Variants in FKBP11 observed in about 807,000 individuals in gnomAD.
FKBP11 encodes peptidyl-prolyl cis-trans isomerase FKBP11.
FKBP11 carries 21 observed loss-of-function variants against 24.7 expected under a neutral mutation model. That is an observed-to-expected ratio of 0.85 (90% confidence interval 0.60 to 1.23). The LOEUF (loss-of-function observed/expected upper bound fraction) is 1.23, where lower values mean the gene tolerates loss of function less well. Ranked by LOEUF, FKBP11 falls within the 50% of genes most tolerant of loss-of-function variation. The pLI, the probability that FKBP11 is intolerant of heterozygous loss-of-function variation, is 0.00. For synonymous variants in FKBP11, 106 were observed against 100.6 expected, an observed-to-expected ratio of 1.05 and a Z score of -0.32; for missense variants, 245 against 248.7, an observed-to-expected ratio of 0.99 and a Z score of 0.10.
At chr12:48,928,570 C>G (rs1940010006), upstream of FKBP11, among the ~76,000 whole-genome samples, 1 of 152,094 alleles carries the variant, frequency 6.6e-6, no homozygotes, top group Non-Finnish European at 1.5e-5. Context: ...GCCTCCACCT[C>G]CCAGGTTCAG....
intron 5 of FKBP11, 85 bp from the exon 6 acceptor site, chr12:48,922,286 C>T (rs1939854879): frequency 3.1e-6 from 4 of 1,282,462 alleles, no homozygotes; most frequent in South Asian, 1.4e-5. Flanking sequence ...GGAGCGTAGG[C>T]CACAGCAAAG....
At chr12:48,930,856 C>T (rs1435019278), upstream of FKBP11, among the ~76,000 whole-genome samples, 2 of 152,154 alleles carry the variant, frequency 1.3e-5, no homozygotes, top group Non-Finnish European at 2.9e-5. Context: ...AGGCCGGGTG[C>T]AGTGGCTCAC....
rs763112939 is a variant in FKBP11, at chr12:48,924,192, T to A, written c.317+31A>T. On this transcript the variant is annotated intron_variant, in intron 4 of 5. Coordinates refer to ENST00000550765, the MANE Select transcript of FKBP11 (RefSeq NM_016594.3). ...AAAGCCTCTACCCATGCAAAGGGGGTACCCAGGCCCACCCCTGCCGAGATA... is the reference window on the plus strand; with the variant it reads ...AAAGCCTCTACCCATGCAAAGGGGGAACCCAGGCCCACCCCTGCCGAGATA... 1.9e-6 allele frequency: 3 copies of A among 1,613,476 alleles called. No homozygotes were observed. In the East Asian group the frequency reaches 6.7e-5, roughly 36 times the overall value.
the FKBP11 span, chr12:48,936,917 A>C: frequency 6.6e-6 from 1 of 152,236 alleles, no homozygotes; most frequent in South Asian, 2.1e-4. Flanking sequence ...AACAGAGCAA[A>C]TAAAAAGTAT....
chr12:48,923,773 T>G lies in FKBP11; in HGVS notation c.388+9A>C. The G allele has an allele frequency of 6.2e-7, 1 of 1,613,056 alleles. No homozygotes were observed. Among genetic ancestry groups the G allele is most frequent in the Non-Finnish European group, 8.5e-7 (1 of 1,179,036 alleles). ...TTGATGGCCTGAGAGAGAGTCCTAG[T>G]CAGATTACCTGGGACAGATGGTGGA... On this transcript the variant is annotated intron_variant, in intron 5 of 5. Coordinates refer to ENST00000550765, the MANE Select transcript of FKBP11 (RefSeq NM_016594.3).
the FKBP11 span, among the ~76,000 whole-genome samples, chr12:48,935,489 G>A: frequency 3.3e-5 from 5 of 152,152 alleles, no homozygotes; most frequent in African/African-American, 1.2e-4. Context: ...CACCCTAAAG[G>A]TAGCACCATC....
upstream of FKBP11, among the ~76,000 whole-genome samples, chr12:48,930,290 T>C (rs1940031427): frequency 6.6e-6 from 1 of 152,110 alleles, no homozygotes; most frequent in African/African-American, 2.4e-5. Context: ...TTTTAACCCC[T>C]CCACAAACAT....
upstream of FKBP11, chr12:48,925,777 G>A (rs374460033): frequency 2.1e-5 from 6 of 284,694 alleles, no homozygotes; most frequent in African/African-American, 1.3e-4. Flanking sequence ...TGAAAGGTCG[G>A]CATGATTGTT....
upstream of FKBP11, chr12:48,926,521 C>CTCTT (rs1939968751): frequency 1.8e-5 from 2 of 111,146 alleles, no homozygotes; most frequent in South Asian, 3.0e-4. Context: ...CACCAGATTT[C>CTCTT]TTTTTTTTTT....
At chr12:48,923,614 A>G in intron 5 of FKBP11, 168 bp downstream of exon 5, 1 of 1,554,898 alleles carries the variant, frequency 6.4e-7, no homozygotes, top group Non-Finnish European at 8.7e-7. Flanking sequence ...CCTGTTGGTG[A>G]TATGAGGAGG....
At position 48,921,970 on chromosome 12, in the gene FKBP11, A is replaced by C; in HGVS notation, c.*14T>G. 6.5e-7 allele frequency: 1 copy of C among 1,546,894 alleles called. No homozygotes were observed. Among genetic ancestry groups the C allele is most frequent in the East Asian group, 2.4e-5 (1 of 41,070 alleles). On this transcript the variant is annotated 3_prime_UTR_variant, in exon 6 of 6. Transcript: ENST00000550765. ...ATGAAGAATGCAAATAAGTTTTTTA[A>C]AATTTATTATTTATTATTTCTTTTT...
chr12:48,925,030 C>A lies in FKBP11; in HGVS notation c.195+16G>T. The A allele has an allele frequency of 6.2e-7, 1 of 1,610,566 alleles. No homozygotes were observed. On this transcript the variant is annotated intron_variant, in intron 2 of 5. Transcript: ENST00000550765. ...GCCCCCTCCCAGGCCCCGCCCCGGC[C>A]CCCCAGACCCCTCACCGTGTAGTGT...
chr12:48,928,190 G>A (rs1041203603), upstream of FKBP11, among the ~76,000 whole-genome samples: 15 of 150,444 alleles, frequency 1.0e-4, no homozygotes, highest in African/African-American at 3.4e-4. Flanking sequence ...GACCACAGAG[G>A]CATGCCACCA....
chr12:48,922,771 G>C, intron 5 of FKBP11: 5 of 1,001,912 alleles, frequency 5.0e-6, no homozygotes, highest in Non-Finnish European at 6.0e-6. Context: ...GGAATGGGGA[G>C]GTAATAGGGC....
chr12:48,938,430 G>A, the FKBP11 span: 4 of 388,508 alleles, frequency 1.0e-5, no homozygotes, highest in East Asian at 8.0e-5. Context: ...CCCCCTCCCC[G>A]CTCCCCCCGG....
intron 5 of FKBP11, 99 bp from the exon 6 acceptor site, chr12:48,922,300 A>G (rs1939854986): frequency 2.8e-6 from 3 of 1,090,518 alleles, no homozygotes; most frequent in Non-Finnish European, 2.6e-6. Context: ...AGCAAAGCCA[A>G]CAACTATGAA....
chr12:48,933,906 A>C, the FKBP11 span, among the ~76,000 whole-genome samples: 1 of 151,994 alleles, frequency 6.6e-6, no homozygotes, highest in Non-Finnish European at 1.5e-5. Flanking sequence ...TGCTGCCCAA[A>C]GACATGACTC....
chr12:48,929,343 G>C (rs1424378010), upstream of FKBP11, among the ~76,000 whole-genome samples: 1 of 152,048 alleles, frequency 6.6e-6, no homozygotes, highest in Non-Finnish European at 1.5e-5. Flanking sequence ...AGCTACTCAG[G>C]AGGCTAAGGT....
chr12:48,938,877 T>C, the FKBP11 span: 92 of 1,560,228 alleles, frequency 5.9e-5, no homozygotes, highest in Non-Finnish European at 7.8e-5. Flanking sequence ...GAGGAAGGGG[T>C]AGGACTGGGG....
Sources: gnomAD v4.1 joint callset for allele counts (sites outside exome capture counted in the v4.1 genomes callset) on GRCh38, gnomAD v4.1.1 for gene constraint, MANE v1.5 for transcripts, NCBI Gene and HGNC (gene_info 2026-07-23, HGNC 2026-07-21) for gene names.